The following BROX variants were observed in gnomAD, a reference collection of about 807,000 sequenced individuals.
BROX encodes the protein BRO1 domain and CAAX motif containing.
BROX carries 53 observed loss-of-function variants against 61.0 expected under a neutral mutation model. That is an observed-to-expected ratio of 0.87 (90% CI 0.70 to 1.09). The LOEUF (loss-of-function observed/expected upper bound fraction) is 1.09, where lower values mean the gene tolerates loss of function less well. Among genes scored for constraint, BROX ranks in the 50% least tolerant of loss-of-function variants. The pLI is 0.00. For missense variants in BROX, 489 were observed against 472.0 expected, an observed-to-expected ratio of 1.04 and a Z score of -0.33; for synonymous variants, 152 against 160.2, an observed-to-expected ratio of 0.95 and a Z score of 0.38.
In BROX at chr1:222,722,605, A is replaced by G. The variant is rs145242855; in HGVS notation, c.401+91A>G. ...TTAAAAATCTATTTTAAAAAGTACCACTTTGGATGTTTGAAGGATTGCCTT... is the reference window on the plus strand; with the variant it reads ...TTAAAAATCTATTTTAAAAAGTACCGCTTTGGATGTTTGAAGGATTGCCTT... On this transcript the variant is annotated intron_variant, in intron 5 of 12. Transcript: ENST00000340934. The G allele has an allele frequency of 1.7e-3, 1,578 of 906,424 alleles. 25 individuals carry two copies. Among genetic ancestry groups the G allele is most frequent in the South Asian group, 0.016 (986 of 60,780 alleles). 56.1% of individuals were successfully genotyped at this position (906,424 alleles called of 1,614,324 possible).
chr1:222,714,525 T>C (rs1656404634), intron 1 of BROX, among the ~76,000 whole-genome samples: 5 of 150,400 alleles, frequency 3.3e-5, no homozygotes, highest in African/African-American at 1.2e-4. Context: ...GCATGGAACT[T>C]AATTTTTTTT....
In BROX at chr1:222,712,583, T is replaced by C; in HGVS notation, c.-376T>C. Reference sequence around the variant, plus strand: ...CGCCCCACTGCGCCGAGGGCCGCCATCGCTATTGCGGCATTCTCCCTCGGC... The same window carrying C: ...CGCCCCACTGCGCCGAGGGCCGCCACCGCTATTGCGGCATTCTCCCTCGGC... On this transcript the variant is annotated 5_prime_UTR_variant, in exon 1 of 13. Transcript: ENST00000340934. 1 of 1,365,956 alleles carries C rather than the reference T, an allele frequency of 7.3e-7. No homozygotes were observed. Among genetic ancestry groups the C allele is most frequent in the Non-Finnish European group, 9.5e-7 (1 of 1,050,852 alleles). 84.6% of individuals were successfully genotyped at this position (1,365,956 alleles called of 1,614,324 possible).
At chr1:222,724,014 A>G (rs1412211518) in intron 5 of BROX, 78 bp from the exon 6 acceptor site, 10 of 986,342 alleles carry the variant, frequency 1.0e-5, no homozygotes, top group Non-Finnish European at 1.5e-5. Flanking sequence ...CTTTGGATGT[A>G]TAATAATGTA....
At chr1:222,713,846 T>C (rs1656299448) in intron 1 of BROX, 1 of 152,224 alleles carries the variant, frequency 6.6e-6, no homozygotes, top group South Asian at 2.1e-4. Flanking sequence ...TGATATTTTC[T>C]GAAATAACTC....
intron 4 of BROX, 63 bp from the exon 5 acceptor site, chr1:222,722,356 T>C (rs1327856264): frequency 7.5e-7 from 1 of 1,341,938 alleles, no homozygotes; most frequent in Admixed American, 1.7e-5. Flanking sequence ...GGATATCCAG[T>C]AGGCTTCATG....
In BROX at chr1:222,732,796, C is replaced by A. The variant is rs574545249; in HGVS notation, c.*82C>A. On this transcript the variant is annotated 3_prime_UTR_variant, in exon 13 of 13. Transcript: ENST00000340934. The stretch of plus-strand genomic sequence containing the variant: ...CAGTTCTTATTTCTCAAAATGATTT[C>A]TCTGAAGCTTGTAGAATAACTATTA... The A allele has an allele frequency of 1.2e-5, 13 of 1,123,164 alleles. No homozygotes were observed. Among genetic ancestry groups the A allele is most frequent in the African/African-American group, 1.6e-5 (1 of 62,984 alleles). The allele number at this position is 1,123,164 out of a possible 1,614,324, so 69.6% of individuals were successfully genotyped here.
Position 222,732,741 on chromosome 1 carries a change from T to G in BROX, c.*27T>G. 120 of 1,526,886 alleles carry G rather than the reference T, an allele frequency of 7.9e-5. No individual in the cohort carries two copies. The highest frequency in any genetic ancestry group is 9.6e-5 in the Non-Finnish European group (106 of 1,107,688). 94.6% of individuals were successfully genotyped at this position (1,526,886 alleles called of 1,614,324 possible). On this transcript the variant is annotated 3_prime_UTR_variant, in exon 13 of 13. Transcript: ENST00000340934. ...ATACAACTTGCACTTAGAATTTCTC[T>G]AGCAGTAAATAAGATAAACCACAGA...
Position 222,725,442 on chromosome 1 carries a change from G to C in BROX, c.475-8G>C, listed in dbSNP as rs370341891. Reference sequence around the variant, plus strand: ...TTTGTTTTTTGTCTTTTTTGTTGTTGTTCTCAGGAAAGTCATCTCCCAAAA... The same window carrying C: ...TTTGTTTTTTGTCTTTTTTGTTGTTCTTCTCAGGAAAGTCATCTCCCAAAA... On this transcript the variant is annotated splice_polypyrimidine_tract_variant and splice_region_variant and intron_variant, in intron 6 of 12. Transcript: ENST00000340934. 16 of 1,571,174 alleles carry C rather than the reference G, an allele frequency of 1.0e-5. No individual in the cohort carries two copies. Among genetic ancestry groups the C allele is most frequent in the Non-Finnish European group, 1.4e-5 (16 of 1,159,900 alleles).
rs1656877609 is a variant in BROX at position 222,719,246 on chromosome 1, C to G, written c.209-17C>G. On this transcript the variant is annotated splice_polypyrimidine_tract_variant and intron_variant, in intron 3 of 12. Transcript: ENST00000340934. The stretch of plus-strand genomic sequence containing the variant: ...TCTAATTCTTCTAAAACTAAAATGT[C>G]TTGTACTTTTCTATAGGTTTCATAA... 6.6e-7 allele frequency: 1 copy of G among 1,523,982 alleles called. No homozygotes were observed. Among genetic ancestry groups the G allele is most frequent in the South Asian group, 1.1e-5 (1 of 87,824 alleles). 94.4% of individuals were successfully genotyped at this position (1,523,982 alleles called of 1,614,324 possible).
intron 8 of BROX, 69 bp downstream of exon 8, chr1:222,727,326 GAACAA>G (rs1657582422): frequency 3.5e-5 from 40 of 1,154,596 alleles, no homozygotes; most frequent in Non-Finnish European, 5.1e-5. Context: ...CTTGAATAGG[GAACAA>G]AACAAAAGGG....
chr1:222,728,898 A>T, intron 9 of BROX, 70 bp downstream of exon 9: 1 of 1,106,538 alleles, frequency 9.0e-7, no homozygotes, highest in Non-Finnish European at 1.3e-6. Context: ...CAGGTCTCTC[A>T]TCTCACCAGA....
chr1:222,731,606 T>TA lies in BROX; in HGVS notation c.1149+91dup, dbSNP rs1408844898. 10 of 1,334,620 alleles carry TA rather than the reference T, an allele frequency of 7.5e-6. No individual in the cohort carries two copies. In the East Asian group the frequency reaches 1.9e-4, roughly 26 times the overall value. The allele number at this position is 1,334,620 out of a possible 1,614,324, so 82.7% of individuals were successfully genotyped here. Reference sequence around the variant, plus strand: ...ATTTTGATATTTTTCTCTAAATAGATACATATCTTTGTCTAAATGTTAAGT... The same window carrying TA: ...ATTTTGATATTTTTCTCTAAATAGATAACATATCTTTGTCTAAATGTTAAGT... On this transcript the variant is annotated intron_variant, in intron 12 of 12. Transcript: ENST00000340934.
At chr1:222,728,323 G>C (rs1214513033) in intron 8 of BROX, among the ~76,000 whole-genome samples, 1 of 152,182 alleles carries the variant, frequency 6.6e-6, no homozygotes, top group African/African-American at 2.4e-5. Context: ...GTGAATGTGT[G>C]TGTGTTTCAC....
At chr1:222,727,922 G>C (rs1657627404) in intron 8 of BROX, among the ~76,000 whole-genome samples, 1 of 152,154 alleles carries the variant, frequency 6.6e-6, no homozygotes, top group African/African-American at 2.4e-5. Context: ...TTTGGGTGTA[G>C]AATTCTATAG....
chr1:222,724,121 A>G lies in BROX; in HGVS notation c.431A>G (p.His144Arg). The G allele has an allele frequency of 6.2e-7, 1 of 1,611,830 alleles. No individual in the cohort carries two copies. The highest frequency in any genetic ancestry group is 1.7e-4 in the Middle Eastern group (1 of 6,056). Reference sequence around the variant, plus strand: ...ACAGAAGATGAAGCAAAAGAAGTTCATCGAAGCCTAAAGATTGCAGCTGGG... The same window carrying G: ...ACAGAAGATGAAGCAAAAGAAGTTCGTCGAAGCCTAAAGATTGCAGCTGGG... ...NITEDEAKEV[H>R]RSLKIAAGIF... Residue 144 changes from histidine to arginine, a missense_variant, in exon 6 of 13, where the codon CAT (histidine) becomes CGT (arginine). By Grantham distance (29) the His-to-Arg change is conservative. Coordinates refer to ENST00000340934, the MANE Select transcript of BROX (RefSeq NM_144695.4).
At position 222,712,897 on chromosome 1, in the gene BROX, C is replaced by G; in HGVS notation, c.-62C>G. On this transcript the variant is annotated 5_prime_UTR_variant, in exon 1 of 13. Coordinates refer to ENST00000340934, the MANE Select transcript of BROX (RefSeq NM_144695.4). ...CTCGCTTGTGGACTCCGATATATTG[C>G]CCTTCTTCCCTTAGAAGAACTGCTG... The G allele has an allele frequency of 1.6e-6, 2 of 1,227,968 alleles. No homozygotes were observed. The highest frequency in any genetic ancestry group is 2.1e-6 in the Non-Finnish European group (2 of 954,162). 76.1% of individuals were successfully genotyped at this position (1,227,968 alleles called of 1,614,324 possible). A position where few individuals can be genotyped will look rare whatever the true frequency, so the allele number is the denominator to read the frequency against.
intron 8 of BROX, among the ~76,000 whole-genome samples, chr1:222,728,419 TA>T (rs1434742659): frequency 2.0e-5 from 3 of 152,178 alleles, no homozygotes; most frequent in Non-Finnish European, 2.9e-5. Flanking sequence ...CTATATTATA[TA>T]AGTTTTTTAA....
intron 11 of BROX, 37 bp from the exon 12 acceptor site, chr1:222,731,320 C>G: frequency 6.6e-7 from 1 of 1,523,818 alleles, no homozygotes; most frequent in Non-Finnish European, 8.8e-7. Flanking sequence ...AAATAACGAA[C>G]AAATGAATGA....
At chr1:222,713,382 G>T (rs1656225423) in intron 1 of BROX, 1 of 985,602 alleles carries the variant, frequency 1.0e-6, no homozygotes, top group South Asian at 4.7e-5. Context: ...TGGTAAACAG[G>T]AAGTGGGCGC....
Sources: gnomAD v4.1 joint callset for allele counts (sites outside exome capture counted in the v4.1 genomes callset) on GRCh38, gnomAD v4.1.1 for gene constraint, MANE v1.5 for transcripts, NCBI Gene and HGNC (gene_info 2026-07-23, HGNC 2026-07-21) for gene names.